The following SUGCT variants were observed in gnomAD, a reference collection of about 807,000 sequenced individuals.
The protein encoded by SUGCT is succinyl-CoA:glutarate CoA-transferase.
In SUGCT, 41 loss-of-function variants were observed where a neutral mutation model predicts 55.0. The observed-to-expected ratio is 0.74, with a 90% CI of 0.58 to 0.97. The LOEUF is 0.97. SUGCT is among the 50% of genes least tolerant of loss of function. The probability of loss-of-function intolerance (pLI) is 0.00; values close to 1 mark genes in which losing one functional copy is unlikely to be tolerated. For synonymous variants in SUGCT, 187 were observed against 200.4 expected, an observed-to-expected ratio of 0.93 and a Z score of 0.56; for missense variants, 568 against 547.8, an observed-to-expected ratio of 1.04 and a Z score of -0.37.
intron 13 of SUGCT, among the ~76,000 whole-genome samples, chr7:40,820,493 T>A (rs908025982): frequency 1.3e-5 from 2 of 152,204 alleles, no homozygotes; most frequent in Non-Finnish European, 2.9e-5. Flanking sequence ...CCCTTGTAAG[T>A]TGGATTCCTA....
chr7:40,961,295 T>A, the SUGCT span, among the ~76,000 whole-genome samples: 1 of 152,296 alleles, frequency 6.6e-6, no homozygotes, highest in South Asian at 2.1e-4. Context: ...ACAGATGGGA[T>A]CACACACAGT....
At chr7:40,783,763 G>T (rs1789875652) in intron 13 of SUGCT, among the ~76,000 whole-genome samples, 1 of 152,114 alleles carries the variant, frequency 6.6e-6, no homozygotes, top group Non-Finnish European at 1.5e-5. Flanking sequence ...CTTCATGCAG[G>T]TTTATTTAGG....
In SUGCT at chr7:40,203,072, C is replaced by T. The variant is rs184883797; in HGVS notation, c.484+8012C>T. Among the ~76,000 whole-genome samples, 207 of 152,268 alleles carry T rather than the reference C, an allele frequency of 1.4e-3. 2 individuals are homozygous for T. Among genetic ancestry groups the T allele is most frequent in the African/African-American group, 4.8e-3 (199 of 41,532 alleles). The stretch of plus-strand genomic sequence containing the variant: ...CCTTAGCTTGTATCAAGGTCTCTGA[C>T]GCTTTTTTGGAAGTCTCTCTTGTGT... On this transcript the variant is annotated intron_variant, in intron 6 of 13. Coordinates refer to ENST00000335693, the MANE Select transcript of SUGCT (RefSeq NM_001193313.2).
chr7:40,436,510 C>A (rs1788186321), intron 9 of SUGCT, among the ~76,000 whole-genome samples: 1 of 152,104 alleles, frequency 6.6e-6, no homozygotes, highest in Non-Finnish European at 1.5e-5. Flanking sequence ...ACTATAGTTA[C>A]TATTTTTTTC....
At chr7:40,517,515 G>T (rs931641490) in intron 12 of SUGCT, among the ~76,000 whole-genome samples, 5 of 152,006 alleles carry the variant, frequency 3.3e-5, no homozygotes, top group Admixed American at 1.3e-4. Flanking sequence ...GGGTTAGAAG[G>T]TTCCTCTGTA....
intron 12 of SUGCT, among the ~76,000 whole-genome samples, chr7:40,536,830 C>G (rs979836132): frequency 6.6e-6 from 1 of 152,162 alleles, no homozygotes; most frequent in African/African-American, 2.4e-5. Flanking sequence ...CTTAAGCTCT[C>G]GTATGTGCTA....
the SUGCT span, among the ~76,000 whole-genome samples, chr7:41,003,246 C>T: frequency 5.3e-5 from 8 of 152,154 alleles, no homozygotes; most frequent in Non-Finnish European, 8.8e-5. Flanking sequence ...GGTGGCGCCA[C>T]CAAAGAGCAA....
At chr7:40,469,405 C>T (rs1051470455) in intron 11 of SUGCT, among the ~76,000 whole-genome samples, 25 of 152,220 alleles carry the variant, frequency 1.6e-4, no homozygotes, top group Admixed American at 1.6e-3. Flanking sequence ...CTGCCATTAT[C>T]AGCTAATAGA....
chr7:41,005,157 G>T, the SUGCT span, among the ~76,000 whole-genome samples: 1 of 152,048 alleles, frequency 6.6e-6, no homozygotes, highest in Non-Finnish European at 1.5e-5. Flanking sequence ...TCAGAGAGAT[G>T]ATTTTCATAA....
chr7:40,525,135 A>G (rs1032442029), intron 12 of SUGCT, among the ~76,000 whole-genome samples: 2 of 152,202 alleles, frequency 1.3e-5, no homozygotes, highest in African/African-American at 4.8e-5. Context: ...ATCTATAATT[A>G]AATCCTGGAG....
chr7:40,863,538 C>T (rs867487601), downstream of SUGCT, among the ~76,000 whole-genome samples: 54 of 152,184 alleles, frequency 3.5e-4, no homozygotes, highest in African/African-American at 1.1e-3. Flanking sequence ...AGGCCAGGTC[C>T]AGGCTAGACA....
At chr7:40,857,143 T>C (rs999560207) in intron 13 of SUGCT, among the ~76,000 whole-genome samples, 2 of 152,194 alleles carry the variant, frequency 1.3e-5, no homozygotes, top group African/African-American at 4.8e-5. Context: ...TTTAAGAACA[T>C]GTGACTTACC....
At position 40,378,553 on chromosome 7, in the gene SUGCT, A is replaced by G. The variant is rs1328115415; in HGVS notation, c.816+61698A>G. Among the ~76,000 whole-genome samples the G allele has an allele frequency of 3.9e-5, 6 of 152,068 alleles. No homozygotes were observed. In the East Asian group the frequency reaches 1.2e-3, roughly 29 times the overall value. ...AGTGGCACTGTCCCAGCTCACTGCA[A>G]TCCCTGCCTCCCAGGTTCAAGAGAT... On this transcript the variant is annotated intron_variant, in intron 9 of 13. Transcript: ENST00000335693.
chr7:40,655,927 G>A (rs1800999974), intron 12 of SUGCT, among the ~76,000 whole-genome samples: 1 of 151,992 alleles, frequency 6.6e-6, no homozygotes, highest in African/African-American at 2.4e-5. Context: ...CATTATATTT[G>A]CCAAAAACAT....
chr7:40,900,301 T>C, the SUGCT span, among the ~76,000 whole-genome samples: 1 of 152,172 alleles, frequency 6.6e-6, no homozygotes, highest in African/African-American at 2.4e-5. Context: ...TGACCAAGAT[T>C]TTGAATTGTG....
intron 13 of SUGCT, among the ~76,000 whole-genome samples, chr7:40,843,561 A>T (rs1316940471): frequency 6.6e-6 from 1 of 151,128 alleles, no homozygotes; most frequent in Non-Finnish European, 1.5e-5. Context: ...CAGAAATGTG[A>T]AGGACGTGAG....
At chr7:40,836,136 C>G (rs942432126) in intron 13 of SUGCT, among the ~76,000 whole-genome samples, 1 of 151,782 alleles carries the variant, frequency 6.6e-6, no homozygotes, top group African/African-American at 2.4e-5. Flanking sequence ...TGAGCTCAAA[C>G]AATCCTCTCA....
chr7:40,206,439 T>C (rs1319495004), intron 6 of SUGCT, among the ~76,000 whole-genome samples: 1 of 152,200 alleles, frequency 6.6e-6, no homozygotes, highest in Non-Finnish European at 1.5e-5. Context: ...GAGTAGGTAA[T>C]AGTTTGAACC....
chr7:40,878,180 A>G, the SUGCT span, among the ~76,000 whole-genome samples: 1 of 152,032 alleles, frequency 6.6e-6, no homozygotes, highest in African/African-American at 2.4e-5. Flanking sequence ...TTCCATTTTC[A>G]TAGAATTCTG....
Sources: allele counts gnomAD v4.1 joint callset (sites outside exome capture counted in the v4.1 genomes callset), GRCh38; gene constraint gnomAD v4.1.1; transcripts MANE v1.5; gene names NCBI Gene and HGNC (gene_info 2026-07-23, HGNC 2026-07-21).